The following SLC38A11 variants were observed in gnomAD, a reference collection of about 807,000 sequenced individuals.
The protein encoded by SLC38A11 is solute carrier family 38 member 11, also known as putative sodium-coupled neutral amino acid transporter 11.
A neutral mutation model predicts 49.4 loss-of-function variants in SLC38A11; 51 were observed. The observed-to-expected ratio is 1.03, with a 90% CI of 0.83 to 1.30. SLC38A11 has a LOEUF of 1.30. Among genes scored for constraint, SLC38A11 ranks in the 50% most tolerant of loss-of-function variants. The probability of loss-of-function intolerance (pLI) is 0.00; values close to 1 mark genes in which losing one functional copy is unlikely to be tolerated. For synonymous variants in SLC38A11, 203 were observed against 192.9 expected (o/e 1.05, Z -0.43); for missense variants, 574 against 556.2 (o/e 1.03, Z -0.32).
At chr2:164,917,595 A>G (rs1685887588) in intron 7 of SLC38A11, among the ~76,000 whole-genome samples, 1 of 152,184 alleles carries the variant, frequency 6.6e-6, no homozygotes. Flanking sequence ...CATGATCCTT[A>G]GAAAATGATT....
rs998141975 is a variant in SLC38A11, at chr2:164,952,829, G to C, written c.155-48C>G. 11 of 1,381,756 alleles carry C rather than the reference G, an allele frequency of 8.0e-6. No individual in the cohort carries two copies. The African/African-American group carries it at 1.2e-4, about 15-fold the overall frequency. The allele number at this position is 1,381,756 out of a possible 1,614,324, so 85.6% of individuals were successfully genotyped here. ...ACCCTTCACATTAACAAGAAAGCTA[G>C]AAACACAGAAATTCCCCCCTTCAAT... On this transcript the variant is annotated intron_variant, in intron 2 of 11. Transcript: ENST00000685975.
chr2:164,954,495 C>T (rs939271136), intron 2 of SLC38A11, 136 bp downstream of exon 2: 13 of 491,384 alleles, frequency 2.6e-5, no homozygotes, highest in African/African-American at 1.9e-4. Context: ...AAAAGGAAGC[C>T]TTTTATGGAA....
At chr2:164,911,597 G>A in intron 10 of SLC38A11, 39 bp downstream of exon 10, 3 of 1,012,518 alleles carry the variant, frequency 3.0e-6, no homozygotes. Context: ...GTGGCAGAGA[G>A]ATCACCTGGG....
intron 9 of SLC38A11, chr2:164,912,113 C>T (rs1267698023): frequency 6.5e-6 from 1 of 154,308 alleles, no homozygotes; most frequent in African/African-American, 2.4e-5. Context: ...GAATGTTTCC[C>T]TGTCATTAAG....
intron 2 of SLC38A11, 50 bp downstream of exon 2, chr2:164,954,581 T>A (rs1688726742): frequency 1.2e-6 from 1 of 862,534 alleles, no homozygotes; most frequent in Non-Finnish European, 1.7e-6. Context: ...GTAGCGAGTC[T>A]TAAATTTTGC....
chr2:164,898,792 T>A, intron 11 of SLC38A11, 62 bp from the exon 12 acceptor site: 1 of 1,485,780 alleles, frequency 6.7e-7, no homozygotes, highest in Non-Finnish European at 9.1e-7. Flanking sequence ...TCGGACAGCT[T>A]TTAAAAGCAT....
chr2:164,929,802 C>T (rs1363791111), intron 7 of SLC38A11, among the ~76,000 whole-genome samples: 1 of 151,986 alleles, frequency 6.6e-6, no homozygotes, highest in African/African-American at 2.4e-5. Flanking sequence ...TCAGTGGCTC[C>T]TCATCAAAAA....
At chr2:164,911,978 T>C (rs1685436926) in intron 9 of SLC38A11, 2 of 307,952 alleles carry the variant, frequency 6.5e-6, no homozygotes, top group Admixed American at 9.3e-5. Context: ...TAGAGGTTTA[T>C]AGCCTAGGAG....
At chr2:164,903,478 C>CAGTTG (rs1684794578) in intron 11 of SLC38A11, among the ~76,000 whole-genome samples, 1 of 152,080 alleles carries the variant, frequency 6.6e-6, no homozygotes, top group Non-Finnish European at 1.5e-5. Context: ...GGAAGGATTC[C>CAGTTG]AGTTGAGTAT....
rs550491130 is a variant in SLC38A11, at chr2:164,908,484, A to T, written c.1095+156T>A. Among the ~76,000 whole-genome samples the T allele has an allele frequency of 2.5e-4, 38 of 152,308 alleles. No individual in the cohort carries two copies. In the South Asian group the frequency reaches 6.8e-3, roughly 27 times the overall value. On this transcript the variant is annotated intron_variant, in intron 11 of 11. Coordinates refer to ENST00000685975, the MANE Select transcript of SLC38A11 (RefSeq NM_001351537.2). Reference sequence around the variant, plus strand: ...AACTATATAGTCCCACAAAGTGCACAGAATCATCATTGAAAATATTTACTA... The same window carrying T: ...AACTATATAGTCCCACAAAGTGCACTGAATCATCATTGAAAATATTTACTA...
intron 3 of SLC38A11, 120 bp downstream of exon 3, chr2:164,952,587 T>A: frequency 1.4e-6 from 1 of 740,278 alleles, no homozygotes; most frequent in Non-Finnish European, 2.4e-6. Context: ...TTTAGGATTC[T>A]TTGATGCACT....
chr2:164,902,121 C>T (rs953444065), intron 11 of SLC38A11, among the ~76,000 whole-genome samples: 2 of 151,374 alleles, frequency 1.3e-5, no homozygotes, highest in African/African-American at 2.4e-5. Context: ...TTTGATCTCC[C>T]AAGCTCAAGT....
intron 7 of SLC38A11, among the ~76,000 whole-genome samples, chr2:164,928,304 A>C (rs1686737693): frequency 6.6e-6 from 1 of 152,184 alleles, no homozygotes. Flanking sequence ...GCCTTAGGCA[A>C]ATTTTCTTTG....
chr2:164,895,143 C>T lies in SLC38A11; in HGVS notation c.*3294G>A, dbSNP rs1020917858. 6.6e-6 allele frequency among the ~76,000 whole-genome samples: 1 copy of T among 152,162 alleles called. No homozygotes were observed. The highest frequency in any genetic ancestry group is 1.5e-5 in the Non-Finnish European group (1 of 68,026). The stretch of plus-strand genomic sequence containing the variant: ...CTGACACATGTCCAAGTTTAAAAGC[C>T]ACTACCCTAGACAAAGACTGGGCTC... On this transcript the variant is annotated 3_prime_UTR_variant, in exon 12 of 12. Transcript: ENST00000685975.
intron 7 of SLC38A11, among the ~76,000 whole-genome samples, chr2:164,931,406 G>A (rs1410155828): frequency 6.6e-6 from 1 of 151,888 alleles, no homozygotes; most frequent in Non-Finnish European, 1.5e-5. Flanking sequence ...ATTCTTCACA[G>A]AACTAGAAAC....
Position 164,929,329 on chromosome 2 carries a change from G to A in SLC38A11, c.617+8021C>T, listed in dbSNP as rs148171553. Among the ~76,000 whole-genome samples, 251 of 152,142 alleles carry A rather than the reference G, an allele frequency of 1.6e-3. 3 individuals are homozygous for A. The highest frequency in any genetic ancestry group is 5.7e-3 in the African/African-American group (235 of 41,546). ...CCCCATTTTTATTTCAAGTGCTTTA[G>A]TTGGGTTCATCCTATCCCTAGATCC... On this transcript the variant is annotated intron_variant, in intron 7 of 11. Coordinates refer to ENST00000685975, the MANE Select transcript of SLC38A11 (RefSeq NM_001351537.2).
intron 3 of SLC38A11, 132 bp downstream of exon 3, chr2:164,952,575 T>G (rs1688594727): frequency 1.4e-6 from 1 of 705,248 alleles, no homozygotes; most frequent in Non-Finnish European, 2.5e-6. Context: ...ATGCTTAAAT[T>G]CTTTAGGATT....
At position 164,955,479 on chromosome 2, in the gene SLC38A11, A is replaced by G; in HGVS notation, c.-232T>C. On this transcript the variant is annotated 5_prime_UTR_variant, in exon 1 of 12. Coordinates refer to ENST00000685975, the MANE Select transcript of SLC38A11 (RefSeq NM_001351537.2). ...CGCTTTTCCACCGGAGTTCGCCCAG[A>G]CAAATGTATTTTTCCTCCGGAGACG... 1.8e-6 allele frequency: 1 copy of G among 552,736 alleles called. No homozygotes were observed. Among genetic ancestry groups the G allele is most frequent in the South Asian group, 2.2e-5 (1 of 44,726 alleles). 34.2% of individuals were successfully genotyped at this position (552,736 alleles called of 1,614,324 possible). A position where few individuals can be genotyped will look rare whatever the true frequency, so the allele number is the denominator to read the frequency against.
chr2:164,936,159 C>T (rs1338523124), intron 7 of SLC38A11, among the ~76,000 whole-genome samples: 1 of 152,088 alleles, frequency 6.6e-6, no homozygotes, highest in Non-Finnish European at 1.5e-5. Context: ...ATAAATATTA[C>T]AGATATTTAT....
Sources: gnomAD v4.1 joint callset for allele counts (sites outside exome capture counted in the v4.1 genomes callset) on GRCh38, gnomAD v4.1.1 for gene constraint, MANE v1.5 for transcripts, NCBI Gene and HGNC (gene_info 2026-07-23, HGNC 2026-07-21) for gene names.